The following STAG1 variants were observed in gnomAD, a reference collection of about 807,000 sequenced individuals.
STAG1 encodes the protein STAG1 cohesin complex component, also known as cohesin subunit SA-1.
STAG1 carries 26 observed loss-of-function variants against 170.9 expected under a neutral mutation model. The observed-to-expected ratio is 0.15, with a 90% CI of 0.11 to 0.21. The LOEUF is 0.21. Ranked by LOEUF, STAG1 falls within the 10% of genes least tolerant of loss-of-function variation. The pLI is 1.00. For synonymous variants in STAG1, 514 were observed against 497.7 expected (o/e 1.03, Z -0.44); for missense variants, 964 against 1,509.5 (o/e 0.64, Z 5.99).
chr3:136,739,637 T>C (rs1002416773), intron 1 of STAG1, among the ~76,000 whole-genome samples: 3 of 149,338 alleles, frequency 2.0e-5, no homozygotes, highest in Non-Finnish European at 4.4e-5. Flanking sequence ...CTGGCCAACA[T>C]AGTGAAACCC....
At chr3:136,618,699 A>T (rs1939704738) in intron 3 of STAG1, among the ~76,000 whole-genome samples, 1 of 152,220 alleles carries the variant, frequency 6.6e-6, no homozygotes, top group African/African-American at 2.4e-5. Flanking sequence ...TCAGGAAAAG[A>T]ATAGTTTTTC....
intron 5 of STAG1, among the ~76,000 whole-genome samples, chr3:136,566,069 TG>T (rs1323025314): frequency 6.6e-6 from 1 of 152,184 alleles, no homozygotes; most frequent in Admixed American, 6.5e-5. Flanking sequence ...GGTATTTTCC[TG>T]GGGAGATTTT....
intron 4 of STAG1, among the ~76,000 whole-genome samples, chr3:136,590,903 T>C (rs546950128): frequency 6.6e-6 from 1 of 152,274 alleles, no homozygotes; most frequent in East Asian, 1.9e-4. Flanking sequence ...ATTAGTTATC[T>C]GTGAAGTTCC....
intron 28 of STAG1, among the ~76,000 whole-genome samples, chr3:136,357,031 TC>T (rs1215940490): frequency 6.6e-6 from 1 of 152,074 alleles, no homozygotes; most frequent in African/African-American, 2.4e-5. Context: ...CACTGCAAGC[TC>T]CGCCTCCCAG....
At chr3:136,692,536 G>A (rs1942761185) in intron 1 of STAG1, among the ~76,000 whole-genome samples, 1 of 151,984 alleles carries the variant, frequency 6.6e-6, no homozygotes, top group Non-Finnish European at 1.5e-5. Context: ...TCAAGAGGCT[G>A]AGGCAGAAGA....
intron 9 of STAG1, among the ~76,000 whole-genome samples, chr3:136,497,766 A>G (rs1336655498): frequency 4.0e-5 from 6 of 151,356 alleles, no homozygotes; most frequent in African/African-American, 1.5e-4. Context: ...GAGGCAGGAG[A>G]ATGGCGTGAA....
intron 6 of STAG1, among the ~76,000 whole-genome samples, chr3:136,529,128 A>G (rs1262343142): frequency 1.3e-5 from 2 of 152,202 alleles, no homozygotes; most frequent in African/African-American, 4.8e-5. Context: ...ACAAAAATAA[A>G]GAAAAATGAA....
chr3:136,445,421 C>T (rs955984277), intron 14 of STAG1, among the ~76,000 whole-genome samples: 6 of 151,974 alleles, frequency 3.9e-5, no homozygotes, highest in African/African-American at 1.5e-4. Context: ...TTGCTATTAA[C>T]CCATGCTAAA....
chr3:136,347,046 C>G (rs1936249714), intron 29 of STAG1, among the ~76,000 whole-genome samples: 1 of 149,892 alleles, frequency 6.7e-6, no homozygotes. Context: ...TGGACAAGAC[C>G]CCAGCCTGGG....
At chr3:136,687,737 ATTTT>A (rs397876527) in intron 1 of STAG1, among the ~76,000 whole-genome samples, 3 of 141,774 alleles carry the variant, frequency 2.1e-5, no homozygotes, top group Non-Finnish European at 3.1e-5. Flanking sequence ...GAAGAGACCA[ATTTT>A]TTTTTTTTTT....
chr3:136,709,988 T>A (rs1487740387), intron 1 of STAG1, among the ~76,000 whole-genome samples: 1 of 148,904 alleles, frequency 6.7e-6, no homozygotes, highest in Non-Finnish European at 1.5e-5. Context: ...TCAGCCAAAA[T>A]TGCAACACTG....
At chr3:136,668,891 A>C (rs1310052823) in intron 1 of STAG1, among the ~76,000 whole-genome samples, 3 of 152,174 alleles carry the variant, frequency 2.0e-5, no homozygotes, top group Non-Finnish European at 4.4e-5. Flanking sequence ...ACAGATGTCA[A>C]AGGATGGAAT....
chr3:136,703,366 A>T (rs1943134557), intron 1 of STAG1, among the ~76,000 whole-genome samples: 1 of 152,194 alleles, frequency 6.6e-6, no homozygotes, highest in South Asian at 2.1e-4. Flanking sequence ...CACCTTTCTG[A>T]TTCAGCTTGC....
chr3:136,662,101 T>C (rs919286906), intron 1 of STAG1, among the ~76,000 whole-genome samples: 5 of 151,988 alleles, frequency 3.3e-5, no homozygotes, highest in Admixed American at 1.3e-4. Flanking sequence ...GAGTCTTAGC[T>C]AGGCCAATTT....
chr3:136,603,825 T>C (rs55907946), intron 4 of STAG1, among the ~76,000 whole-genome samples: 9,407 of 152,080 alleles, frequency 0.062, 430 homozygotes, highest in Non-Finnish European at 0.096. Flanking sequence ...AGGCAGAGCT[T>C]GAAGTGAGCC....
intron 3 of STAG1, among the ~76,000 whole-genome samples, chr3:136,618,831 T>C (rs1939713238): frequency 6.6e-6 from 1 of 152,104 alleles, no homozygotes; most frequent in Non-Finnish European, 1.5e-5. Context: ...TAAGAAAAAA[T>C]GTCCTTGACT....
chr3:136,565,730 A>G (rs1013159757), intron 5 of STAG1, among the ~76,000 whole-genome samples: 1 of 152,226 alleles, frequency 6.6e-6, no homozygotes. Context: ...TTGTTCACGA[A>G]TGTTCAAAGT....
intron 9 of STAG1, among the ~76,000 whole-genome samples, chr3:136,483,916 GT>G (rs1244570059): frequency 1.3e-3 from 12 of 9,484 alleles, no homozygotes; most frequent in African/African-American, 5.5e-3. Context: ...TCGAGCCTTG[GT>G]TTTCAGCTCC....
intron 1 of STAG1, among the ~76,000 whole-genome samples, chr3:136,641,490 AC>A (rs905458318): frequency 6.6e-6 from 1 of 152,238 alleles, no homozygotes; most frequent in African/African-American, 2.4e-5. Context: ...AATAGGATAA[AC>A]AAAGGACACA....
Sources: gnomAD v4.1 joint callset for allele counts (sites outside exome capture counted in the v4.1 genomes callset) on GRCh38, gnomAD v4.1.1 for gene constraint, MANE v1.5 for transcripts, NCBI Gene and HGNC (gene_info 2026-07-23, HGNC 2026-07-21) for gene names.